LRRFIP2: variants seen among roughly 807,000 people sequenced by gnomAD.
LRRFIP2 encodes the protein LRR binding FLII interacting protein 2.
A neutral mutation model predicts 125.9 loss-of-function variants in LRRFIP2; 109 were observed. The ratio of observed to expected loss-of-function variants is 0.87; its 90% confidence interval spans 0.74 to 1.01. The LOEUF (loss-of-function observed/expected upper bound fraction) is 1.01. LRRFIP2 is among the 50% of genes least tolerant of loss of function. LRRFIP2 has a pLI of 0.00. For missense variants in LRRFIP2, 850 were observed against 862.3 expected (o/e 0.99, Z 0.18); for synonymous variants, 291 against 293.1 (o/e 0.99, Z 0.07).
At chr3:37,083,183 T>G (rs1190127734) in intron 19 of LRRFIP2, among the ~76,000 whole-genome samples, 1 of 152,290 alleles carries the variant, frequency 6.6e-6, no homozygotes, top group East Asian at 1.9e-4. Context: ...ATCTCCAAAT[T>G]GCTGATTTTA....
intron 2 of LRRFIP2, among the ~76,000 whole-genome samples, chr3:37,131,160 G>A (rs1269036455): frequency 6.6e-6 from 1 of 152,088 alleles, no homozygotes; most frequent in African/African-American, 2.4e-5. Context: ...TGGAGGGGTG[G>A]GGACTACTCT....
In LRRFIP2 at chr3:37,066,267, C is replaced by A. The variant is rs1472602183; in HGVS notation, c.1523G>T (p.Arg508Ile). ...CTCCTGCAGGTCAGCCAGCTCCTCTCTGAGCATATCTCGCTCATTCCTAAG... is the reference window on the plus strand; with the variant it reads ...CTCCTGCAGGTCAGCCAGCTCCTCTATGAGCATATCTCGCTCATTCCTAAG... ...ACLRNERDML[R>I]EELADLQETV... Residue 508 changes from arginine to isoleucine, a missense_variant, in exon 22 of 28, where the codon AGA becomes ATA. Arg to Ile is a moderately conservative substitution (Grantham distance 97). Coordinates refer to ENST00000336686, the MANE Select transcript of LRRFIP2 (RefSeq NM_006309.4). 1 of 1,614,168 alleles carries A rather than the reference C, an allele frequency of 6.2e-7. No individual in the cohort carries two copies. The highest frequency in any genetic ancestry group is 1.1e-5 in the South Asian group (1 of 91,090).
At chr3:37,085,774 G>T (rs1227474493) in intron 18 of LRRFIP2, among the ~76,000 whole-genome samples, 1 of 151,730 alleles carries the variant, frequency 6.6e-6, no homozygotes, top group African/African-American at 2.4e-5. Flanking sequence ...AGTAGAGATG[G>T]GGTTTCACTA....
intron 4 of LRRFIP2, among the ~76,000 whole-genome samples, chr3:37,123,170 T>TTTGTTGTTGTTG (rs113012823): frequency 1.3e-5 from 2 of 150,950 alleles, no homozygotes; most frequent in African/African-American, 4.9e-5. Context: ...CTGATTTACA[T>TTTGTTGTTGTTG]TTGTTGTTGT....
intron 1 of LRRFIP2, among the ~76,000 whole-genome samples, chr3:37,167,629 A>C (rs2096526673): frequency 1.3e-5 from 2 of 150,080 alleles, no homozygotes; most frequent in African/African-American, 2.5e-5. Flanking sequence ...ACTCTAGCCT[A>C]GGCAACAGAG....
chr3:37,055,195 T>C (rs2086462211), intron 25 of LRRFIP2, 30 bp from the exon 26 acceptor site: 1 of 1,380,050 alleles, frequency 7.2e-7, no homozygotes, highest in Admixed American at 2.2e-5. Context: ...TGAATTATCT[T>C]CACCTGTCAG....
chr3:37,066,093 A>C, intron 22 of LRRFIP2, 131 bp downstream of exon 22: 1 of 1,324,452 alleles, frequency 7.6e-7, no homozygotes, highest in Non-Finnish European at 1.1e-6. Context: ...AATAGCTTCA[A>C]CCTACCAAAT....
intron 3 of LRRFIP2, 121 bp from the exon 4 acceptor site, chr3:37,127,801 T>C: frequency 4.1e-6 from 3 of 735,590 alleles, no homozygotes; most frequent in South Asian, 3.3e-5. Context: ...AAGTTACACA[T>C]TCAAAATACA....
intron 2 of LRRFIP2, among the ~76,000 whole-genome samples, chr3:37,137,903 C>T (rs2095598441): frequency 6.6e-6 from 1 of 152,180 alleles, no homozygotes; most frequent in Admixed American, 6.5e-5. Context: ...CTGACGACCT[C>T]CTACTTCCTT....
chr3:37,127,026 T>G (rs1451118846), intron 4 of LRRFIP2, among the ~76,000 whole-genome samples: 2 of 152,174 alleles, frequency 1.3e-5, no homozygotes, highest in Admixed American at 1.3e-4. Context: ...TGCAGTAGAA[T>G]TTAAGGCTTC....
intron 18 of LRRFIP2, among the ~76,000 whole-genome samples, chr3:37,090,204 G>A (rs897164352): frequency 8.8e-5 from 13 of 147,492 alleles, no homozygotes; most frequent in Non-Finnish European, 1.4e-4. Context: ...GAGGTGTAGT[G>A]TGTATTTTAC....
At chr3:37,089,531 GT>G (rs1012759392) in intron 18 of LRRFIP2, among the ~76,000 whole-genome samples, 1 of 151,946 alleles carries the variant, frequency 6.6e-6, no homozygotes, top group African/African-American at 2.4e-5. Context: ...ATTTTTATGG[GT>G]TTTTTTCCAC....
intron 12 of LRRFIP2, 140 bp downstream of exon 12, chr3:37,108,495 TAG>T: frequency 1.5e-6 from 1 of 654,712 alleles, no homozygotes; most frequent in Non-Finnish European, 2.6e-6. Flanking sequence ...GATCACAGCT[TAG>T]AGAGTAATTC....
chr3:37,111,542 C>T (rs907223973), intron 8 of LRRFIP2, among the ~76,000 whole-genome samples: 2 of 152,198 alleles, frequency 1.3e-5, no homozygotes, highest in African/African-American at 4.8e-5. Context: ...AAAACACTTA[C>T]GGCAGGTTCA....
At chr3:37,111,224 T>C (rs7623433) in intron 8 of LRRFIP2, among the ~76,000 whole-genome samples, 159 bp from the exon 9 acceptor site, 6,375 of 152,222 alleles carry the variant, frequency 0.042, 400 homozygotes, top group African/African-American at 0.13. Flanking sequence ...TAAGTCAAAG[T>C]GACAATTATT....
Position 37,052,930 on chromosome 3 carries a change from CAAAA to C in LRRFIP2, c.*917_*920del, listed in dbSNP as rs2085904008. Reference sequence around the variant, plus strand: ...AGATTGTTTTTCCTTGAGAAGGAGACAAAAGAAGAGGGATGTGGTTGCCATGATT... The same window carrying C: ...AGATTGTTTTTCCTTGAGAAGGAGACGAAGAGGGATGTGGTTGCCATGATT... On this transcript the variant is annotated 3_prime_UTR_variant, in exon 28 of 28. Transcript: ENST00000336686. The C allele has an allele frequency of 2.0e-5, 3 of 152,152 alleles. No individual in the cohort carries two copies. In the South Asian group the frequency reaches 6.2e-4, roughly 32 times the overall value. 9.4% of individuals were successfully genotyped at this position (152,152 alleles called of 1,614,324 possible). A position where few individuals can be genotyped will look rare whatever the true frequency, so the allele number is the denominator to read the frequency against.
At chr3:37,100,319 T>C (rs965758871) in intron 15 of LRRFIP2, among the ~76,000 whole-genome samples, 1 of 149,798 alleles carries the variant, frequency 6.7e-6, no homozygotes, top group African/African-American at 2.5e-5. Context: ...AGCGAGACCC[T>C]GTCTCTTTAA....
At chr3:37,059,346 T>C (rs886148878) in intron 24 of LRRFIP2, among the ~76,000 whole-genome samples, 1 of 151,884 alleles carries the variant, frequency 6.6e-6, no homozygotes, top group African/African-American at 2.4e-5. Context: ...ACCTCATCTC[T>C]AAAAAAAATA....
intron 1 of LRRFIP2, among the ~76,000 whole-genome samples, chr3:37,157,366 C>T (rs2096229826): frequency 6.6e-6 from 1 of 152,054 alleles, no homozygotes; most frequent in South Asian, 2.1e-4. Flanking sequence ...TTGCTTGAAC[C>T]CAGGAGGTAG....
Sources: gnomAD v4.1 joint callset for allele counts (sites outside exome capture counted in the v4.1 genomes callset) on GRCh38, gnomAD v4.1.1 for gene constraint, MANE v1.5 for transcripts, NCBI Gene and HGNC (gene_info 2026-07-23, HGNC 2026-07-21) for gene names.